The following GON4L variants were observed in gnomAD, a reference collection of about 807,000 sequenced individuals.
The protein encoded by GON4L is gon-4 like, also known as GON-4-like protein.
A neutral mutation model predicts 211.8 loss-of-function variants in GON4L; 87 were observed. That is an observed-to-expected ratio of 0.41 (90% CI 0.35 to 0.49). The LOEUF (loss-of-function observed/expected upper bound fraction) is 0.49. Among genes scored for constraint, GON4L ranks in the 20% least tolerant of loss-of-function variants. The pLI is 0.15. For synonymous variants in GON4L, 875 were observed against 962.6 expected (o/e 0.91, Z 1.68); for missense variants, 2,155 against 2,659.5 (o/e 0.81, Z 4.17).
intron 14 of GON4L, among the ~76,000 whole-genome samples, chr1:155,781,924 T>C (rs1241060081): frequency 1.3e-5 from 2 of 151,996 alleles, no homozygotes; most frequent in Non-Finnish European, 2.9e-5. Context: ...ACCCAGCTAA[T>C]TTTTGTATTT....
intron 2 of GON4L, among the ~76,000 whole-genome samples, chr1:155,849,141 C>A (rs1671525777): frequency 2.5e-5 from 2 of 81,550 alleles, no homozygotes; most frequent in African/African-American, 5.2e-5. Context: ...GAGACTCCAT[C>A]TCAAAAAAAA....
At chr1:155,834,836 C>T (rs560831440) in intron 2 of GON4L, among the ~76,000 whole-genome samples, 1 of 152,024 alleles carries the variant, frequency 6.6e-6, no homozygotes, top group East Asian at 2.0e-4. Context: ...TCGCCTCTGC[C>T]CAGCTGCCCC....
Position 155,766,221 on chromosome 1 carries a change from A to G in GON4L, c.3252T>C (p.Pro1084=). The G allele has an allele frequency of 8.7e-6, 14 of 1,614,160 alleles. No individual in the cohort carries two copies. Among genetic ancestry groups the G allele is most frequent in the Non-Finnish European group, 1.2e-5 (14 of 1,180,038 alleles). ...AGAGCAAAGTCTGGGACTCAGACAG[A>G]GGGAAGCTTGTCCTGGCCTCAGGGG... is the stretch of plus-strand genomic sequence containing the variant. The part of the protein sequence containing the change: ...AVPPEARTSF[P]LSESQTLLSS... Residue 1084 remains proline (P), a synonymous_variant, in exon 21 of 32, where the codon CCT becomes CCC. Coordinates refer to ENST00000368331, the MANE Select transcript of GON4L (RefSeq NM_001282860.2).
At chr1:155,838,287 T>C (rs928714301) in intron 2 of GON4L, among the ~76,000 whole-genome samples, 1 of 152,118 alleles carries the variant, frequency 6.6e-6, no homozygotes, top group African/African-American at 2.4e-5. Context: ...AAATAATTGA[T>C]GGAAATAGAA....
intron 11 of GON4L, among the ~76,000 whole-genome samples, chr1:155,797,416 C>T (rs1394930864): frequency 6.6e-6 from 1 of 151,824 alleles, no homozygotes; most frequent in East Asian, 1.9e-4. Flanking sequence ...GAGTCTGGCG[C>T]CTCTTCCATA....
intron 9 of GON4L, 101 bp from the exon 10 acceptor site, chr1:155,813,905 A>G: frequency 1.1e-6 from 1 of 885,664 alleles, no homozygotes; most frequent in South Asian, 1.4e-5. Flanking sequence ...CAGACTTTCC[A>G]TACACCATTG....
At chr1:155,820,685 C>T in intron 5 of GON4L, 29 bp from the exon 6 acceptor site, 2 of 1,559,266 alleles carry the variant, frequency 1.3e-6, no homozygotes, top group South Asian at 1.1e-5. Flanking sequence ...AAAGGAAATC[C>T]TCAATAAAAA....
chr1:155,778,821 T>TA (rs148112380), intron 14 of GON4L, among the ~76,000 whole-genome samples: 3,428 of 152,272 alleles, frequency 0.023, 42 homozygotes, highest in Non-Finnish European at 0.034. Context: ...TTTCTGTTCT[T>TA]ACGTTAGCTT....
chr1:155,800,472 G>A (rs1258095585), intron 11 of GON4L, among the ~76,000 whole-genome samples: 2 of 151,618 alleles, frequency 1.3e-5, no homozygotes, highest in Admixed American at 6.6e-5. Context: ...CAGGAGAATC[G>A]CTTGAACCTG....
chr1:155,799,449 C>A (rs1214411305), intron 11 of GON4L, among the ~76,000 whole-genome samples: 1 of 152,034 alleles, frequency 6.6e-6, no homozygotes, highest in East Asian at 1.9e-4. Context: ...CAAAACAAAA[C>A]AAACTGAAGT....
At chr1:155,833,779 G>A (rs1453275574) in intron 2 of GON4L, among the ~76,000 whole-genome samples, 3 of 143,630 alleles carry the variant, frequency 2.1e-5, no homozygotes, top group Non-Finnish European at 4.6e-5. Flanking sequence ...GGGGAGGAGG[G>A]GGATGGGGGA....
chr1:155,801,700 T>G (rs866240145), intron 11 of GON4L, among the ~76,000 whole-genome samples: 2 of 150,812 alleles, frequency 1.3e-5, no homozygotes, highest in African/African-American at 4.9e-5. Context: ...CTGACCAATA[T>G]GGTGAAACCC....
intron 10 of GON4L, among the ~76,000 whole-genome samples, chr1:155,809,632 TTATATACTTA>T (rs1405152133): frequency 1.2e-5 from 1 of 82,812 alleles, no homozygotes; most frequent in African/African-American, 5.1e-5. Flanking sequence ...TACTTATAAA[TTATATACTTA>T]TATATACTTA....
chr1:155,794,991 G>T, intron 12 of GON4L, 59 bp downstream of exon 12: 1 of 985,792 alleles, frequency 1.0e-6, no homozygotes, highest in Non-Finnish European at 1.6e-6. Flanking sequence ...AATCTACAAA[G>T]TAAACAAAGA....
At chr1:155,850,286 C>T (rs991023841) in intron 2 of GON4L, among the ~76,000 whole-genome samples, 2 of 151,952 alleles carry the variant, frequency 1.3e-5, no homozygotes, top group Non-Finnish European at 2.9e-5. Flanking sequence ...CTTTTTTATT[C>T]TAAAAAATTG....
chr1:155,855,331 A>T (rs546222497), intron 1 of GON4L, among the ~76,000 whole-genome samples: 126 of 151,496 alleles, frequency 8.3e-4, no homozygotes, highest in Non-Finnish European at 1.7e-3. Context: ...GGATTATTTC[A>T]ACTCATATCC....
chr1:155,825,807 C>T (rs2102292567), intron 3 of GON4L, among the ~76,000 whole-genome samples: 1 of 152,078 alleles, frequency 6.6e-6, no homozygotes, highest in East Asian at 1.9e-4. Context: ...CTTTGGAAAG[C>T]CAAGGCAGGC....
chr1:155,854,844 T>TTCGA (rs1213930242), intron 1 of GON4L, among the ~76,000 whole-genome samples: 65 of 152,250 alleles, frequency 4.3e-4, no homozygotes, highest in African/African-American at 1.5e-3. Flanking sequence ...GAGACCAGCC[T>TTCGA]GATCAACATG....
At chr1:155,779,969 T>C (rs1664244270) in intron 14 of GON4L, among the ~76,000 whole-genome samples, 2 of 151,992 alleles carry the variant, frequency 1.3e-5, no homozygotes, top group Non-Finnish European at 2.9e-5. Flanking sequence ...AGCTAATTTT[T>C]GTATTTTTTT....
Sources: gnomAD v4.1 joint callset for allele counts (sites outside exome capture counted in the v4.1 genomes callset) on GRCh38, gnomAD v4.1.1 for gene constraint, MANE v1.5 for transcripts, NCBI Gene and HGNC (gene_info 2026-07-23, HGNC 2026-07-21) for gene names.